The following B4GALT6 variants were observed in gnomAD, a reference collection of about 807,000 sequenced individuals.
B4GALT6 encodes the protein beta-1,4-galactosyltransferase 6, also known as UDP-Gal:beta-GlcNAc beta-1,4-galactosyltransferase 6.
B4GALT6 carries 14 observed loss-of-function variants against 46.3 expected under a neutral mutation model. That is an observed-to-expected ratio of 0.30 (90% CI 0.20 to 0.47). The LOEUF is 0.47. B4GALT6 is among the 20% of genes least tolerant of loss of function. The pLI is 0.99. For synonymous variants in B4GALT6, 168 were observed against 162.0 expected (o/e 1.04, Z -0.28); for missense variants, 386 against 480.1 (o/e 0.80, Z 1.83).
the B4GALT6 span, chr18:31,719,021 T>G: frequency 6.6e-6 from 1 of 152,180 alleles, no homozygotes; most frequent in Non-Finnish European, 1.5e-5. Context: ...CTCCTGAAGC[T>G]GCATGCTCGT....
upstream of B4GALT6, among the ~76,000 whole-genome samples, chr18:31,685,190 A>G (rs1418755153): frequency 6.7e-6 from 1 of 148,900 alleles, no homozygotes; most frequent in Non-Finnish European, 1.5e-5. Flanking sequence ...GGCCGCCGCC[A>G]GCTGCCTGCC....
At chr18:31,644,048 A>C (rs1019520048) in intron 4 of B4GALT6, among the ~76,000 whole-genome samples, 1 of 152,212 alleles carries the variant, frequency 6.6e-6, no homozygotes, top group Non-Finnish European at 1.5e-5. Context: ...ATAGCTACAA[A>C]TGTGAGGAAA....
intron 1 of B4GALT6, among the ~76,000 whole-genome samples, chr18:31,675,523 A>G (rs2074405399): frequency 6.6e-6 from 1 of 152,240 alleles, no homozygotes; most frequent in South Asian, 2.1e-4. Flanking sequence ...AACACTATCT[A>G]ACAAAAGATA....
chr18:31,687,470 T>C (rs1055870002), upstream of B4GALT6, among the ~76,000 whole-genome samples: 2 of 152,202 alleles, frequency 1.3e-5, no homozygotes, highest in Non-Finnish European at 2.9e-5. Context: ...ATAGATTAAA[T>C]ACTCAGTGCA....
chr18:31,679,347 A>G (rs2074452248), intron 1 of B4GALT6, among the ~76,000 whole-genome samples: 1 of 152,216 alleles, frequency 6.6e-6, no homozygotes, highest in African/African-American at 2.4e-5. Flanking sequence ...TACACTGAAG[A>G]GATATAGCTG....
the B4GALT6 span, among the ~76,000 whole-genome samples, chr18:31,720,238 G>C: frequency 2.0e-5 from 3 of 152,208 alleles, no homozygotes; most frequent in African/African-American, 7.2e-5. Flanking sequence ...TTTTGCAAAG[G>C]TGGTTTCAAT....
chr18:31,639,114 C>A (rs2073899074), intron 4 of B4GALT6, among the ~76,000 whole-genome samples: 1 of 152,118 alleles, frequency 6.6e-6, no homozygotes, highest in Non-Finnish European at 1.5e-5. Flanking sequence ...ACTCAGGGAG[C>A]TAGTTAGGCA....
At chr18:31,717,613 T>C in the B4GALT6 span, among the ~76,000 whole-genome samples, 2 of 152,126 alleles carry the variant, frequency 1.3e-5, no homozygotes, top group African/African-American at 4.8e-5. Flanking sequence ...TATTATTAAA[T>C]ATAAAAGCAG....
At chr18:31,639,768 T>TA (rs1243114559) in intron 4 of B4GALT6, among the ~76,000 whole-genome samples, 4 of 152,134 alleles carry the variant, frequency 2.6e-5, no homozygotes, top group Non-Finnish European at 5.9e-5. Flanking sequence ...TAATATGAAA[T>TA]AAAAAATCTA....
chr18:31,635,530 C>T (rs568362740), intron 5 of B4GALT6, among the ~76,000 whole-genome samples: 12 of 151,748 alleles, frequency 7.9e-5, no homozygotes, highest in African/African-American at 2.2e-4. Flanking sequence ...AGCATTTCCA[C>T]GGAGAAAAAG....
the B4GALT6 span, chr18:31,724,632 A>G: frequency 7.7e-6 from 8 of 1,045,010 alleles, no homozygotes; most frequent in Non-Finnish European, 5.8e-6. Context: ...GCTGCTGCAC[A>G]CTGGGATCTG....
intron 4 of B4GALT6, among the ~76,000 whole-genome samples, chr18:31,645,150 G>C (rs1436621428): frequency 6.6e-6 from 1 of 151,026 alleles, no homozygotes; most frequent in African/African-American, 2.4e-5. Flanking sequence ...CATCTATTTT[G>C]TATCTACACA....
the B4GALT6 span, among the ~76,000 whole-genome samples, chr18:31,709,024 G>A: frequency 6.6e-6 from 1 of 152,114 alleles, no homozygotes; most frequent in Non-Finnish European, 1.5e-5. Flanking sequence ...AGACTTTAGT[G>A]CTGTCTCTTT....
At chr18:31,628,383 C>T (rs1040848892) in intron 6 of B4GALT6, among the ~76,000 whole-genome samples, 1 of 152,066 alleles carries the variant, frequency 6.6e-6, no homozygotes, top group African/African-American at 2.4e-5. Context: ...AACCTGAGAT[C>T]GTCAGATAGG....
At chr18:31,629,143 T>C (rs545370195) in intron 6 of B4GALT6, among the ~76,000 whole-genome samples, 1 of 152,362 alleles carries the variant, frequency 6.6e-6, no homozygotes, top group African/African-American at 2.4e-5. Flanking sequence ...GAATATGGTA[T>C]ACAATACATA....
chr18:31,675,004 G>A (rs1459079668), intron 1 of B4GALT6, among the ~76,000 whole-genome samples: 2 of 152,176 alleles, frequency 1.3e-5, no homozygotes, highest in African/African-American at 4.8e-5. Context: ...AGCTGACAGA[G>A]TCTGCAAGAA....
the B4GALT6 span, chr18:31,724,284 GCCCCACGGGC>G: frequency 5.6e-5 from 23 of 412,022 alleles, no homozygotes; most frequent in Non-Finnish European, 8.3e-5. Context: ...GCGTCTCTGG[GCCCCACGGGC>G]CCCTCCTCAC....
chr18:31,706,503 C>A, the B4GALT6 span, among the ~76,000 whole-genome samples: 1 of 151,994 alleles, frequency 6.6e-6, no homozygotes, highest in Non-Finnish European at 1.5e-5. Context: ...TGGTGGTGGG[C>A]ACCTGTAATC....
chr18:31,653,239 C>T (rs2074096565), intron 3 of B4GALT6, among the ~76,000 whole-genome samples: 1 of 151,816 alleles, frequency 6.6e-6, no homozygotes, highest in Non-Finnish European at 1.5e-5. Context: ...TTCCCATACA[C>T]GCCACTTAAC....
Sources: gnomAD v4.1 joint callset for allele counts (sites outside exome capture counted in the v4.1 genomes callset) on GRCh38, gnomAD v4.1.1 for gene constraint, MANE v1.5 for transcripts, NCBI Gene and HGNC (gene_info 2026-07-23, HGNC 2026-07-21) for gene names.